The following ROBO1 variants were observed in gnomAD, a reference collection of about 807,000 sequenced individuals.
The protein encoded by ROBO1 is roundabout guidance receptor 1.
Under a neutral mutation model 195.9 loss-of-function variants are expected in ROBO1, and 149 were observed. The ratio of observed to expected loss-of-function variants is 0.76; its 90% CI spans 0.67 to 0.87. The LOEUF is 0.87. Ranked by LOEUF, ROBO1 falls within the 40% of genes least tolerant of loss-of-function variation. ROBO1 has a pLI of 0.00. For missense variants in ROBO1, 1,933 were observed against 2,068.3 expected, an observed-to-expected ratio of 0.93 and a Z score of 1.27; for synonymous variants, 816 against 733.2, an observed-to-expected ratio of 1.11 and a Z score of -1.82.
At chr3:79,428,307 A>G (rs1231239634) in intron 2 of ROBO1, among the ~76,000 whole-genome samples, 1 of 151,078 alleles carries the variant, frequency 6.6e-6, no homozygotes, top group African/African-American at 2.5e-5. Context: ...TATTAATAAA[A>G]TGTATAAAAA....
chr3:79,614,482 AAAG>A (rs1178980817), intron 1 of ROBO1, among the ~76,000 whole-genome samples: 1 of 152,166 alleles, frequency 6.6e-6, no homozygotes, highest in Non-Finnish European at 1.5e-5. Context: ...AGTAAAATTT[AAAG>A]CATTATAAGA....
chr3:79,430,243 A>T (rs1016313872), intron 2 of ROBO1, among the ~76,000 whole-genome samples: 3 of 152,136 alleles, frequency 2.0e-5, no homozygotes, highest in African/African-American at 7.2e-5. Flanking sequence ...AATATTTATA[A>T]TTCGTAAATT....
Position 79,500,793 on chromosome 3 carries a change from G to A in ROBO1, c.88+89031C>T, listed in dbSNP as rs1289507380. Reference sequence around the variant, plus strand: ...TCAGAGAGGCTAAATTTAAATGGGGGATAAAGGGCTAATATATCATCTATT... The same window carrying A: ...TCAGAGAGGCTAAATTTAAATGGGGAATAAAGGGCTAATATATCATCTATT... On this transcript the variant is annotated intron_variant, in intron 2 of 30. Transcript: ENST00000464233. Among the ~76,000 whole-genome samples the A allele has an allele frequency of 3.9e-5, 6 of 152,264 alleles. No homozygotes were observed. The East Asian group carries it at 9.7e-4, about 25-fold the overall frequency.
chr3:79,486,831 G>T (rs541517679), intron 2 of ROBO1, among the ~76,000 whole-genome samples: 19 of 152,196 alleles, frequency 1.2e-4, no homozygotes, highest in Non-Finnish European at 1.3e-4. Context: ...CTCCCTATCT[G>T]CCCAAAAGTA....
chr3:79,711,747 T>C (rs1207616198), intron 1 of ROBO1, among the ~76,000 whole-genome samples: 1 of 152,148 alleles, frequency 6.6e-6, no homozygotes, highest in Non-Finnish European at 1.5e-5. Flanking sequence ...TGAAGTTTTG[T>C]GGCAACACGT....
chr3:78,838,200 A>C (rs546486118), intron 4 of ROBO1, among the ~76,000 whole-genome samples: 23 of 152,302 alleles, frequency 1.5e-4, no homozygotes, highest in African/African-American at 4.8e-4. Flanking sequence ...CCTCTTTTTC[A>C]GTGATTCCAT....
At chr3:79,153,392 A>G (rs2080806383) in intron 2 of ROBO1, among the ~76,000 whole-genome samples, 1 of 151,756 alleles carries the variant, frequency 6.6e-6, no homozygotes, top group Non-Finnish European at 1.5e-5. Context: ...AGCTAGCTCC[A>G]TGTTCCAAGC....
chr3:79,116,130 C>T (rs184140738), intron 3 of ROBO1, among the ~76,000 whole-genome samples: 14 of 152,286 alleles, frequency 9.2e-5, no homozygotes, highest in African/African-American at 3.1e-4. Flanking sequence ...TCCTCCATAC[C>T]TGTGGGTGAT....
intron 2 of ROBO1, among the ~76,000 whole-genome samples, chr3:79,353,145 T>C (rs539990697): frequency 2.6e-4 from 40 of 152,290 alleles, no homozygotes; most frequent in Non-Finnish European, 4.6e-4. Flanking sequence ...AGATAACATT[T>C]TTTTATGTTC....
rs537772958 is a variant in ROBO1, at chr3:79,511,977, C to T, written c.88+77847G>A. 2.6e-5 allele frequency among the ~76,000 whole-genome samples: 4 copies of T among 152,144 alleles called. 1 individual carries two copies. In the South Asian group the frequency reaches 8.3e-4, roughly 32 times the overall value. On this transcript the variant is annotated intron_variant, in intron 2 of 30. Coordinates refer to ENST00000464233, the MANE Select transcript of ROBO1 (RefSeq NM_002941.4). ...GGAAAAATAATTAATGGATACTGGG[C>T]TTTATACCTGGATGATGAAATAATC...
chr3:78,920,624 GTTTTTTTTTTTTTTTT>G (rs34364869), intron 4 of ROBO1, among the ~76,000 whole-genome samples: 1 of 60,962 alleles, frequency 1.6e-5, no homozygotes, highest in Non-Finnish European at 3.0e-5. Context: ...CTTTCTTTCA[GTTTTTTTTTTTTTTTT>G]TTTTTTTTTT....
chr3:79,249,634 C>T (rs577844051), intron 2 of ROBO1, among the ~76,000 whole-genome samples: 2 of 152,176 alleles, frequency 1.3e-5, no homozygotes, highest in African/African-American at 2.4e-5. Context: ...TCTGAGTTTT[C>T]TCCTTTAGGT....
chr3:78,851,108 A>G (rs2034034612), intron 4 of ROBO1, among the ~76,000 whole-genome samples: 1 of 152,090 alleles, frequency 6.6e-6, no homozygotes, highest in African/African-American at 2.4e-5. Context: ...ACGCCCGGTC[A>G]CACCTATCAT....
chr3:78,672,594 CAAAA>C (rs368446414), intron 10 of ROBO1, among the ~76,000 whole-genome samples: 3 of 73,934 alleles, frequency 4.1e-5, no homozygotes, highest in Admixed American at 1.7e-4. Context: ...GACCCTGTCT[CAAAA>C]AAAAAAAAAA....
intron 1 of ROBO1, among the ~76,000 whole-genome samples, chr3:79,672,306 A>T (rs546050032): frequency 2.0e-5 from 3 of 151,176 alleles, no homozygotes; most frequent in Admixed American, 2.0e-4. Context: ...CAGCTGGGAC[A>T]CTCTTTACTC....
At chr3:79,009,886 C>G (rs957373128) in intron 3 of ROBO1, among the ~76,000 whole-genome samples, 1 of 152,168 alleles carries the variant, frequency 6.6e-6, no homozygotes, top group Non-Finnish European at 1.5e-5. Flanking sequence ...TCTATTTTCT[C>G]TCTAAGGACA....
chr3:79,337,363 G>T (rs903649155), intron 2 of ROBO1, among the ~76,000 whole-genome samples: 1 of 152,144 alleles, frequency 6.6e-6, no homozygotes, highest in African/African-American at 2.4e-5. Context: ...ATTGAATCAT[G>T]GAGGCAGTTT....
chr3:79,143,113 A>T (rs1352924595), intron 2 of ROBO1, among the ~76,000 whole-genome samples: 1 of 152,134 alleles, frequency 6.6e-6, no homozygotes, highest in Non-Finnish European at 1.5e-5. Context: ...AAATAAATCA[A>T]ACACCTAAGA....
intron 1 of ROBO1, among the ~76,000 whole-genome samples, chr3:79,601,485 TATG>T (rs1378173531): frequency 1.3e-5 from 2 of 152,010 alleles, no homozygotes; most frequent in East Asian, 3.9e-4. Context: ...AGGTCTCTAT[TATG>T]ATATTTCACA....
Sources: gnomAD v4.1 joint callset for allele counts (sites outside exome capture counted in the v4.1 genomes callset) on GRCh38, gnomAD v4.1.1 for gene constraint, MANE v1.5 for transcripts, NCBI Gene and HGNC (gene_info 2026-07-23, HGNC 2026-07-21) for gene names.